Variants in RCAN2 observed in about 807,000 individuals in gnomAD.
RCAN2 encodes calcipressin-2.
RCAN2 carries 9 observed loss-of-function variants against 23.6 expected under a neutral mutation model. That is an observed-to-expected ratio of 0.38 (90% CI 0.23 to 0.67). The LOEUF (loss-of-function observed/expected upper bound fraction) is 0.67, where lower values mean the gene tolerates loss of function less well. RCAN2 is among the 30% of genes least tolerant of loss of function. The pLI is 0.51. For missense variants in RCAN2, 273 were observed against 302.3 expected (o/e 0.90, Z 0.72); for synonymous variants, 109 against 115.7 (o/e 0.94, Z 0.37).
intron 2 of RCAN2, among the ~76,000 whole-genome samples, chr6:46,396,585 G>A (rs935303516): frequency 6.6e-6 from 1 of 152,178 alleles, no homozygotes; most frequent in African/African-American, 2.4e-5. Context: ...AGATTCAGCT[G>A]TGCCCACTGG....
intron 2 of RCAN2, among the ~76,000 whole-genome samples, chr6:46,304,039 G>A (rs1416577147): frequency 1.3e-5 from 2 of 152,118 alleles, no homozygotes; most frequent in Non-Finnish European, 2.9e-5. Context: ...CAAAGTGGTT[G>A]TAATAATTTG....
chr6:46,386,576 C>T lies in RCAN2; in HGVS notation c.225+70176G>A, dbSNP rs1005389339. 1.0e-4 allele frequency among the ~76,000 whole-genome samples: 15 copies of T among 146,088 alleles called. No individual in the cohort carries two copies. In the Admixed American group the frequency reaches 1.0e-3, roughly 10 times the overall value. ...TGAGCCGAGATCGCGCCACTGTACCCCAGCCTGGGTGACAAGAGCAAAACT... is the reference window on the plus strand; with the variant it reads ...TGAGCCGAGATCGCGCCACTGTACCTCAGCCTGGGTGACAAGAGCAAAACT... On this transcript the variant is annotated intron_variant, in intron 2 of 4. Coordinates refer to ENST00000371374, the MANE Select transcript of RCAN2 (RefSeq NM_001251974.2).
chr6:46,400,297 C>T (rs1766212695), intron 2 of RCAN2, among the ~76,000 whole-genome samples: 1 of 152,184 alleles, frequency 6.6e-6, no homozygotes, highest in South Asian at 2.1e-4. Context: ...GTCCCTCTCA[C>T]CCTCCTTCAG....
intron 2 of RCAN2, among the ~76,000 whole-genome samples, chr6:46,323,377 A>T (rs1366215516): frequency 6.7e-6 from 1 of 148,994 alleles, no homozygotes. Flanking sequence ...AAGATTAGGT[A>T]ACCTTTCTAA....
At position 46,254,702 on chromosome 6, in the gene RCAN2, T is replaced by G. The variant is rs1582034722; in HGVS notation, c.226-5806A>C. Among the ~76,000 whole-genome samples, 2 of 152,136 alleles carry G rather than the reference T, an allele frequency of 1.3e-5. 1 individual carries two copies. Among genetic ancestry groups the G allele is most frequent in the South Asian group, 4.2e-4 (2 of 4,818 alleles). On this transcript the variant is annotated intron_variant, in intron 2 of 4. Transcript: ENST00000371374. ...AGAGAGAAGAGATAGTAAGGATATG[T>G]TGAAGTCTGAACCCCAGGACCTCAG... is the stretch of plus-strand genomic sequence containing the variant.
At position 46,266,538 on chromosome 6, in the gene RCAN2, C is replaced by T. The variant is rs77907607; in HGVS notation, c.226-17642G>A. 1.2e-4 allele frequency among the ~76,000 whole-genome samples: 19 copies of T among 152,138 alleles called. No homozygotes were observed. In the East Asian group the frequency reaches 1.4e-3, roughly 11 times the overall value. ...GACCTGAGCTGATTGGTAATGTGAC[C>T]CCCAATCTGCCTAGGAGTATCCCCG... On this transcript the variant is annotated intron_variant, in intron 2 of 4. Transcript: ENST00000371374.
chr6:46,332,226 T>C (rs1763996345), intron 2 of RCAN2, among the ~76,000 whole-genome samples: 1 of 152,168 alleles, frequency 6.6e-6, no homozygotes, highest in African/African-American at 2.4e-5. Context: ...CCAGCTTCTA[T>C]CCCTGTGATC....
chr6:46,413,082 G>A (rs1258845200), intron 2 of RCAN2, among the ~76,000 whole-genome samples: 1 of 152,172 alleles, frequency 6.6e-6, no homozygotes, highest in East Asian at 1.9e-4. Flanking sequence ...AAGCTGGGTA[G>A]CACTGTAGAT....
intron 2 of RCAN2, among the ~76,000 whole-genome samples, chr6:46,403,262 G>A (rs968216219): frequency 7.3e-5 from 11 of 150,656 alleles, no homozygotes; most frequent in African/African-American, 2.4e-4. Flanking sequence ...ACCGCGCCCA[G>A]CCTACGTTTG....
In RCAN2 at chr6:46,357,093, C is replaced by T. The variant is rs368158203; in HGVS notation, c.225+99659G>A. On this transcript the variant is annotated intron_variant, in intron 2 of 4. Coordinates refer to ENST00000371374, the MANE Select transcript of RCAN2 (RefSeq NM_001251974.2). ...CAGGATTAAGGAATTTTTAGTGGAG[C>T]AGGCTGCCATATCAGGCTGCCTCTG... Among the ~76,000 whole-genome samples the T allele has an allele frequency of 1.6e-4, 25 of 152,258 alleles. No homozygotes were observed. In the East Asian group the frequency reaches 1.9e-3, roughly 12 times the overall value.
intron 2 of RCAN2, among the ~76,000 whole-genome samples, chr6:46,446,360 T>C (rs916941163): frequency 6.6e-6 from 1 of 152,010 alleles, no homozygotes; most frequent in African/African-American, 2.4e-5. Context: ...AGCAAATCTA[T>C]CCTTTAGAAA....
chr6:46,454,036 C>T (rs1767954160), intron 2 of RCAN2, among the ~76,000 whole-genome samples: 1 of 152,176 alleles, frequency 6.6e-6, no homozygotes, highest in Admixed American at 6.5e-5. Flanking sequence ...TTACCATGGC[C>T]AGCCTTGCCC....
At chr6:46,233,347 G>A (rs1345064) in intron 4 of RCAN2, among the ~76,000 whole-genome samples, 60 of 152,262 alleles carry the variant, frequency 3.9e-4, no homozygotes, top group African/African-American at 1.2e-3. Flanking sequence ...AAATATGGTG[G>A]TGATTCTTGT....
At chr6:46,323,690 C>T (rs1446791481) in intron 2 of RCAN2, among the ~76,000 whole-genome samples, 2 of 152,172 alleles carry the variant, frequency 1.3e-5, no homozygotes, top group African/African-American at 4.8e-5. Context: ...CCACCCCAAC[C>T]ACTCACATAC....
intron 2 of RCAN2, among the ~76,000 whole-genome samples, chr6:46,437,507 A>G (rs1265216988): frequency 6.6e-6 from 1 of 152,188 alleles, no homozygotes; most frequent in South Asian, 2.1e-4. Context: ...AGTGCAGATA[A>G]TAAGGAAACT....
At chr6:46,347,894 CAG>C (rs1316659346) in intron 2 of RCAN2, among the ~76,000 whole-genome samples, 1 of 152,214 alleles carries the variant, frequency 6.6e-6, no homozygotes, top group Non-Finnish European at 1.5e-5. Flanking sequence ...GAAACTTTTT[CAG>C]AGAGAACAAA....
At chr6:46,251,299 T>C (rs1042601667) in intron 2 of RCAN2, among the ~76,000 whole-genome samples, 18 of 152,354 alleles carry the variant, frequency 1.2e-4, no homozygotes, top group African/African-American at 4.1e-4. Context: ...TGAGCAGGAA[T>C]ACTGATGACT....
intron 1 of RCAN2, among the ~76,000 whole-genome samples, chr6:46,487,032 T>A (rs953526833): frequency 6.6e-6 from 1 of 152,228 alleles, no homozygotes; most frequent in African/African-American, 2.4e-5. Context: ...CAGTGAACAC[T>A]TTACAGGCAG....
intron 2 of RCAN2, among the ~76,000 whole-genome samples, chr6:46,251,707 C>T (rs777237080): frequency 5.3e-5 from 8 of 152,098 alleles, no homozygotes; most frequent in Non-Finnish European, 1.0e-4. Flanking sequence ...ATCAAGGACT[C>T]CAGGTTTTAG....
Sources: allele counts gnomAD v4.1 joint callset (sites outside exome capture counted in the v4.1 genomes callset), GRCh38; gene constraint gnomAD v4.1.1; transcripts MANE v1.5; gene names NCBI Gene and HGNC (gene_info 2026-07-23, HGNC 2026-07-21).